SUGCT: variants seen among roughly 807,000 people sequenced by gnomAD.
SUGCT encodes succinyl-CoA:glutarate CoA-transferase.
Under a neutral mutation model 55.0 loss-of-function variants are expected in SUGCT, and 41 were observed. The observed-to-expected ratio is 0.74, with a 90% CI of 0.58 to 0.97. The LOEUF is 0.97. Ranked by LOEUF, SUGCT falls within the 50% of genes least tolerant of loss-of-function variation. The pLI is 0.00. For synonymous variants in SUGCT, 187 were observed against 200.4 expected, an observed-to-expected ratio of 0.93 and a Z score of 0.56; for missense variants, 568 against 547.8, an observed-to-expected ratio of 1.04 and a Z score of -0.37.
rs558214065 is a variant in SUGCT, at chr7:40,586,271, T to A, written c.1089+89885T>A. ...TCACTATGATGATTAAAATATTCTA[T>A]ATCCTCATTGCCCAATATGGCAGCC... On this transcript the variant is annotated intron_variant, in intron 12 of 13. Coordinates refer to ENST00000335693, the MANE Select transcript of SUGCT (RefSeq NM_001193313.2). Among the ~76,000 whole-genome samples, 4 of 152,334 alleles carry A rather than the reference T, an allele frequency of 2.6e-5. No individual in the cohort carries two copies. The East Asian group carries it at 7.7e-4, about 29-fold the overall frequency.
chr7:41,038,107 G>C, the SUGCT span, among the ~76,000 whole-genome samples: 33 of 152,154 alleles, frequency 2.2e-4, no homozygotes, highest in Non-Finnish European at 4.1e-4. Flanking sequence ...AGGAAGGATT[G>C]TGAGAGGGCT....
intron 10 of SUGCT, among the ~76,000 whole-genome samples, chr7:40,453,756 T>C (rs1789320362): frequency 6.6e-6 from 1 of 152,166 alleles, no homozygotes; most frequent in Admixed American, 6.6e-5. Context: ...ATGTTCAAAA[T>C]GTCCAGGATA....
At chr7:40,986,627 A>G in the SUGCT span, among the ~76,000 whole-genome samples, 1 of 152,240 alleles carries the variant, frequency 6.6e-6, no homozygotes, top group African/African-American at 2.4e-5. Flanking sequence ...GGAAAACATT[A>G]GTAGCCTATT....
At chr7:40,955,116 T>C in the SUGCT span, among the ~76,000 whole-genome samples, 1 of 152,350 alleles carries the variant, frequency 6.6e-6, no homozygotes, top group East Asian at 1.9e-4. Flanking sequence ...GTCTTGAATA[T>C]ATGGGCTCTT....
chr7:40,188,432 T>C (rs1201810314), intron 3 of SUGCT, 63 bp from the exon 4 acceptor site: 41 of 706,558 alleles, frequency 5.8e-5, no homozygotes, highest in African/African-American at 1.7e-4. Flanking sequence ...AGACTCCATC[T>C]CCAAAAAAAA....
chr7:40,343,665 A>G (rs1042448663), intron 9 of SUGCT, among the ~76,000 whole-genome samples: 14 of 150,170 alleles, frequency 9.3e-5, no homozygotes, highest in Non-Finnish European at 2.1e-4. Flanking sequence ...TTTTATTATT[A>G]TTTTTTTTTG....
intron 1 of SUGCT, among the ~76,000 whole-genome samples, chr7:40,142,668 A>C (rs1212794131): frequency 6.6e-6 from 1 of 152,210 alleles, no homozygotes; most frequent in Non-Finnish European, 1.5e-5. Flanking sequence ...GTTGTTGGCT[A>C]ACTCATTGGA....
chr7:40,491,372 G>A (rs1791668200), intron 11 of SUGCT, among the ~76,000 whole-genome samples: 1 of 152,208 alleles, frequency 6.6e-6, no homozygotes, highest in African/African-American at 2.4e-5. Context: ...TTGTATCTAA[G>A]TTGTAAGAAA....
In SUGCT at chr7:40,611,666, G is replaced by C. The variant is rs1263788989; in HGVS notation, c.1089+115280G>C. Among the ~76,000 whole-genome samples, 3 of 152,032 alleles carry C rather than the reference G, an allele frequency of 2.0e-5. No homozygotes were observed. In the East Asian group the frequency reaches 5.8e-4, roughly 29 times the overall value. On this transcript the variant is annotated intron_variant, in intron 12 of 13. Transcript: ENST00000335693. ...TCCTAGTAATAGCTAACTCTTTTTG[G>C]GTATCTGCCAAGCTTTCTTCAAAGT... is the stretch of plus-strand genomic sequence containing the variant.
intron 9 of SUGCT, among the ~76,000 whole-genome samples, chr7:40,375,381 A>G (rs1583545025): frequency 6.6e-6 from 1 of 152,260 alleles, no homozygotes; most frequent in African/African-American, 2.4e-5. Context: ...GAGTGGGAAG[A>G]CTTGTCTGAG....
chr7:40,332,870 G>A (rs1796406132), intron 9 of SUGCT, among the ~76,000 whole-genome samples: 4 of 152,182 alleles, frequency 2.6e-5, no homozygotes, highest in Non-Finnish European at 4.4e-5. Context: ...GGGTTATGGT[G>A]TCAGGCAGTG....
chr7:40,608,023 T>G (rs1798607470), intron 12 of SUGCT, among the ~76,000 whole-genome samples: 1 of 152,320 alleles, frequency 6.6e-6, no homozygotes, highest in Middle Eastern at 3.4e-3. Context: ...ACCTGTGAGT[T>G]CTATTATTAG....
intron 12 of SUGCT, among the ~76,000 whole-genome samples, chr7:40,727,774 G>A (rs1786681296): frequency 6.6e-6 from 1 of 152,164 alleles, no homozygotes; most frequent in South Asian, 2.1e-4. Context: ...TAGTTCTAGT[G>A]CCTATTAAGA....
chr7:40,902,148 C>T, the SUGCT span, among the ~76,000 whole-genome samples: 14 of 152,306 alleles, frequency 9.2e-5, no homozygotes, highest in South Asian at 2.9e-3. Context: ...AAGTAACAGA[C>T]ACCGTGAAAT....
At chr7:41,012,520 G>A in the SUGCT span, among the ~76,000 whole-genome samples, 3 of 152,180 alleles carry the variant, frequency 2.0e-5, no homozygotes, top group Non-Finnish European at 4.4e-5. Flanking sequence ...ACCTAAAGCA[G>A]TCAGCACCAT....
rs1562994316 is a variant in SUGCT, at chr7:40,772,571, TCTATCTG to T, written c.1153+23081_1153+23087del. Among the ~76,000 whole-genome samples, 94 of 142,106 alleles carry T rather than the reference TCTATCTG, an allele frequency of 6.6e-4. 1 individual carries two copies. The highest frequency in any genetic ancestry group is 2.5e-3 in the African/African-American group (94 of 37,456). The allele number at this position is 142,106 out of a possible 152,430, so 93.2% of individuals were successfully genotyped here. ...CTATCTATCTATCTATCTGGTGTTATCTATCTGCTATCTATCTATCTATCTATCTATC... is the reference window on the plus strand; with the variant it reads ...CTATCTATCTATCTATCTGGTGTTATCTATCTATCTATCTATCTATCTATC... On this transcript the variant is annotated intron_variant, in intron 13 of 13. Transcript: ENST00000335693.
chr7:40,254,987 G>A (rs919377348), intron 7 of SUGCT, among the ~76,000 whole-genome samples: 3 of 151,488 alleles, frequency 2.0e-5, no homozygotes, highest in African/African-American at 7.3e-5. Flanking sequence ...GGGAGGCCAA[G>A]GTGGGGCGGG....
At chr7:40,316,722 G>A (rs1795451331) in intron 8 of SUGCT, 38 bp from the exon 9 acceptor site, 2 of 1,293,698 alleles carry the variant, frequency 1.5e-6, no homozygotes, top group Admixed American at 3.9e-5. Context: ...AGATAAACTA[G>A]CTGTTCTATT....
intron 13 of SUGCT, among the ~76,000 whole-genome samples, chr7:40,801,769 A>G (rs1790827429): frequency 1.3e-5 from 2 of 152,068 alleles, no homozygotes; most frequent in Admixed American, 6.5e-5. Context: ...GAATGGGGGG[A>G]AAATAACAAC....
Sources: gnomAD v4.1 joint callset for allele counts (sites outside exome capture counted in the v4.1 genomes callset) on GRCh38, gnomAD v4.1.1 for gene constraint, MANE v1.5 for transcripts, NCBI Gene and HGNC (gene_info 2026-07-23, HGNC 2026-07-21) for gene names.